The following DNAL1 variants were observed in gnomAD, a reference collection of about 807,000 sequenced individuals.
DNAL1 encodes dynein axonemal light chain 1.
DNAL1 carries 17 observed loss-of-function variants against 29.4 expected under a neutral mutation model. The observed-to-expected ratio is 0.58, with a 90% CI of 0.40 to 0.87. The LOEUF (loss-of-function observed/expected upper bound fraction) is 0.87. DNAL1 is among the 40% of genes least tolerant of loss of function. The pLI is 0.00. For synonymous variants in DNAL1, 78 were observed against 76.3 expected, an observed-to-expected ratio of 1.02 and a Z score of -0.12; for missense variants, 188 against 214.1, an observed-to-expected ratio of 0.88 and a Z score of 0.76.
In DNAL1 at chr14:73,692,341, G is replaced by GTAT. The variant is rs1566892576; in HGVS notation, c.532+2827_532+2828insATT. 8.0e-3 allele frequency among the ~76,000 whole-genome samples: 1,223 copies of GTAT among 152,102 alleles called. 21 individuals are homozygous for GTAT. Among genetic ancestry groups the GTAT allele is most frequent in the African/African-American group, 0.028 (1,159 of 41,512 alleles). ...TACTAAAAATACAAAAATTAGCTGC[G>GTAT]TGTGGTGGCAGGCGCCTATAATCCC... On this transcript the variant is annotated intron_variant, in intron 7 of 7. Coordinates refer to ENST00000553645, the MANE Select transcript of DNAL1 (RefSeq NM_031427.4).
At chr14:73,654,525 G>T (rs1464160719) in intron 1 of DNAL1, among the ~76,000 whole-genome samples, 1 of 152,146 alleles carries the variant, frequency 6.6e-6, no homozygotes, top group Non-Finnish European at 1.5e-5. Context: ...TTAGGAGGCC[G>T]AGGGAGGCAG....
chr14:73,684,219 A>G (rs143424753), intron 5 of DNAL1, among the ~76,000 whole-genome samples: 1 of 152,222 alleles, frequency 6.6e-6, no homozygotes, highest in East Asian at 1.9e-4. Context: ...GGTTGATTCC[A>G]TATTTTGGCT....
At chr14:73,654,224 A>ATTTCATTTTATTT (rs1282838961) in intron 1 of DNAL1, among the ~76,000 whole-genome samples, 1 of 152,196 alleles carries the variant, frequency 6.6e-6, no homozygotes, top group Admixed American at 6.5e-5. Context: ...ATGAAATAAG[A>ATTTCATTTTATTT]TGTATTTTAA....
intron 6 of DNAL1, among the ~76,000 whole-genome samples, chr14:73,688,130 C>A (rs1331509077): frequency 6.6e-6 from 1 of 152,098 alleles, no homozygotes; most frequent in Non-Finnish European, 1.5e-5. Flanking sequence ...TTTAATACTT[C>A]AAAGGTAGAA....
intron 5 of DNAL1, among the ~76,000 whole-genome samples, chr14:73,678,913 A>G (rs1034610474): frequency 6.6e-6 from 1 of 152,270 alleles, no homozygotes; most frequent in Non-Finnish European, 1.5e-5. Context: ...ATGTACATAT[A>G]TGCATAGAGT....
intron 7 of DNAL1, 51 bp from the exon 8 acceptor site, chr14:73,695,851 T>A: frequency 6.7e-7 from 1 of 1,482,818 alleles, no homozygotes; most frequent in Non-Finnish European, 9.2e-7. Context: ...TCATCTAGAA[T>A]TTTAGCAATT....
chr14:73,690,023 G>A (rs1302802387), intron 7 of DNAL1, among the ~76,000 whole-genome samples: 1 of 124,184 alleles, frequency 8.1e-6, no homozygotes, highest in Non-Finnish European at 1.6e-5. Flanking sequence ...GCAAAAAAGA[G>A]TGAAATTCCG....
chr14:73,688,415 G>T (rs1892074581), intron 6 of DNAL1, among the ~76,000 whole-genome samples: 1 of 152,156 alleles, frequency 6.6e-6, no homozygotes, highest in South Asian at 2.1e-4. Context: ...TTTGAGACTA[G>T]CCTGGCCAAC....
chr14:73,681,108 TTTG>T (rs1566888513), intron 5 of DNAL1, among the ~76,000 whole-genome samples: 6 of 150,652 alleles, frequency 4.0e-5, no homozygotes, highest in East Asian at 1.9e-4. Context: ...GTTGTTGTTA[TTTG>T]TTGTTGTTGG....
At chr14:73,673,886 GA>G (rs11394636) in intron 5 of DNAL1, among the ~76,000 whole-genome samples, 6 of 143,924 alleles carry the variant, frequency 4.2e-5, no homozygotes, top group Non-Finnish European at 4.5e-5. Flanking sequence ...TGACAGAGGG[GA>G]AAAAAAAAAG....
intron 5 of DNAL1, among the ~76,000 whole-genome samples, chr14:73,677,034 G>A (rs1814261967): frequency 6.7e-6 from 1 of 148,522 alleles, no homozygotes; most frequent in South Asian, 2.1e-4. Flanking sequence ...GCAGTGGCGT[G>A]ATCTCGGCTC....
At chr14:73,678,432 A>G (rs1414078931) in intron 5 of DNAL1, among the ~76,000 whole-genome samples, 1 of 151,410 alleles carries the variant, frequency 6.6e-6, no homozygotes, top group Non-Finnish European at 1.5e-5. Flanking sequence ...GCTCACAAGT[A>G]GATGTTATTA....
At chr14:73,672,004 C>T (rs1326688520) in intron 5 of DNAL1, among the ~76,000 whole-genome samples, 1 of 152,136 alleles carries the variant, frequency 6.6e-6, no homozygotes, top group African/African-American at 2.4e-5. Context: ...AATTCATAAA[C>T]ATACTGAAAT....
chr14:73,682,184 T>TC (rs1891903645), intron 5 of DNAL1, among the ~76,000 whole-genome samples: 1 of 149,804 alleles, frequency 6.7e-6, no homozygotes, highest in African/African-American at 2.4e-5. Context: ...TTTTTTTTTT[T>TC]TTTTGAGATG....
At chr14:73,667,202 C>T (rs1447424919) in intron 4 of DNAL1, among the ~76,000 whole-genome samples, 1 of 151,382 alleles carries the variant, frequency 6.6e-6, no homozygotes, top group African/African-American at 2.4e-5. Context: ...TGGCTCACAC[C>T]TGTAATCCCA....
At chr14:73,673,001 G>T (rs367898643) in intron 5 of DNAL1, 1 of 151,362 alleles carries the variant, frequency 6.6e-6, no homozygotes, top group Non-Finnish European at 1.5e-5. Flanking sequence ...CTCATGATCC[G>T]CCTGCCTCGG....
At chr14:73,669,971 T>TCA (rs527789319) in intron 4 of DNAL1, among the ~76,000 whole-genome samples, 8 of 142,662 alleles carry the variant, frequency 5.6e-5, no homozygotes, top group Non-Finnish European at 8.1e-5. Context: ...TGCCTGATTC[T>TCA]CACACACACA....
In DNAL1 at chr14:73,665,453, C is replaced by T. The variant is rs191480677; in HGVS notation, c.208+3411C>T. The stretch of plus-strand genomic sequence containing the variant: ...TAAATGTGACTAAGCAAGTTGATAA[C>T]ATATTATTTATCATCACAGATTACA... On this transcript the variant is annotated intron_variant, in intron 4 of 7. Transcript: ENST00000553645. Among the ~76,000 whole-genome samples the T allele has an allele frequency of 4.2e-3, 637 of 152,212 alleles. 3 individuals are homozygous for T. Among genetic ancestry groups the T allele is most frequent in the Non-Finnish European group, 7.9e-3 (534 of 68,008 alleles).
intron 4 of DNAL1, among the ~76,000 whole-genome samples, chr14:73,664,176 G>T (rs540846467): frequency 2.1e-4 from 32 of 152,214 alleles, no homozygotes; most frequent in African/African-American, 7.2e-4. Flanking sequence ...TTATATTTTT[G>T]CCTGTAGCTG....
Sources: allele counts gnomAD v4.1 joint callset (sites outside exome capture counted in the v4.1 genomes callset), GRCh38; gene constraint gnomAD v4.1.1; transcripts MANE v1.5; gene names NCBI Gene and HGNC (gene_info 2026-07-23, HGNC 2026-07-21).